Variants in ARHGAP15 observed in about 807,000 individuals in gnomAD.
ARHGAP15 encodes the protein rho GTPase-activating protein 15.
A neutral mutation model predicts 63.7 loss-of-function variants in ARHGAP15; 51 were observed. The ratio of observed to expected loss-of-function variants is 0.80; its 90% confidence interval spans 0.64 to 1.01. The LOEUF is 1.01. Ranked by LOEUF, ARHGAP15 falls within the 50% of genes least tolerant of loss-of-function variation. The probability of loss-of-function intolerance (pLI) is 0.00; values close to 1 mark genes in which losing one functional copy is unlikely to be tolerated. For synonymous variants in ARHGAP15, 191 were observed against 193.8 expected, an observed-to-expected ratio of 0.99 and a Z score of 0.12; for missense variants, 560 against 564.6, an observed-to-expected ratio of 0.99 and a Z score of 0.08.
chr2:143,519,146 C>CAA (rs148946445), intron 9 of ARHGAP15, 120 bp from the exon 10 acceptor site: 11 of 640,702 alleles, frequency 1.7e-5, no homozygotes, highest in African/African-American at 5.7e-5. Context: ...GGAAATAAAG[C>CAA]AAAAAAAAAA....
intron 6 of ARHGAP15, among the ~76,000 whole-genome samples, chr2:143,419,246 C>T (rs1688810594): frequency 6.6e-6 from 1 of 151,968 alleles, no homozygotes; most frequent in Non-Finnish European, 1.5e-5. Context: ...TGTGTTACTT[C>T]AGAGAAAATA....
chr2:143,576,420 A>G (rs1696683612), intron 11 of ARHGAP15, among the ~76,000 whole-genome samples: 1 of 152,110 alleles, frequency 6.6e-6, no homozygotes, highest in African/African-American at 2.4e-5. Context: ...TCCATCCATA[A>G]TGGATCACAT....
chr2:143,247,244 T>G (rs1344621661), intron 5 of ARHGAP15: 1 of 152,368 alleles, frequency 6.6e-6, no homozygotes, highest in East Asian at 1.9e-4. Flanking sequence ...AGGGGAGGGC[T>G]TTAAGTGAAA....
In ARHGAP15 at chr2:143,729,205, AAC is replaced by A. The variant is rs1207773782; in HGVS notation, c.1244+25685_1244+25686del. Among the ~76,000 whole-genome samples, 5 of 152,248 alleles carry A rather than the reference AAC, an allele frequency of 3.3e-5. 1 individual carries two copies. The highest frequency in any genetic ancestry group is 1.3e-4 in the Admixed American group (2 of 15,290). On this transcript the variant is annotated intron_variant, in intron 13 of 13. Transcript: ENST00000295095. Reference sequence around the variant, plus strand: ...CAAGCAAGAACAAAGCAAGAAAGCAAACACAGTTTTAGACCCTACAGCTCAGA... The same window carrying A: ...CAAGCAAGAACAAAGCAAGAAAGCAAACAGTTTTAGACCCTACAGCTCAGA...
At chr2:143,222,956 A>G (rs1443914091) in intron 4 of ARHGAP15, among the ~76,000 whole-genome samples, 1 of 152,016 alleles carries the variant, frequency 6.6e-6, no homozygotes, top group Non-Finnish European at 1.5e-5. Flanking sequence ...AAAAGATAAG[A>G]TAAATACCTG....
chr2:143,529,311 A>G (rs1342609578), intron 10 of ARHGAP15, among the ~76,000 whole-genome samples: 7 of 152,020 alleles, frequency 4.6e-5, no homozygotes, highest in African/African-American at 1.4e-4. Context: ...CTTTCTTACT[A>G]TCTCTTGAAT....
chr2:143,450,566 T>C (rs867638060), intron 8 of ARHGAP15, among the ~76,000 whole-genome samples: 1 of 152,098 alleles, frequency 6.6e-6, no homozygotes, highest in African/African-American at 2.4e-5. Flanking sequence ...TGAATAGTTT[T>C]AATTCTTTAA....
At chr2:143,566,457 A>T (rs547957281) in intron 11 of ARHGAP15, among the ~76,000 whole-genome samples, 1 of 152,118 alleles carries the variant, frequency 6.6e-6, no homozygotes. Context: ...TTCCATTCAC[A>T]TGGAGCCTCC....
At chr2:143,354,037 G>A (rs1283732393) in intron 6 of ARHGAP15, among the ~76,000 whole-genome samples, 1 of 138,672 alleles carries the variant, frequency 7.2e-6, no homozygotes. Flanking sequence ...TGCATTGGTG[G>A]CCTCAGTAAA....
chr2:143,419,203 A>G (rs1376900970), intron 6 of ARHGAP15, among the ~76,000 whole-genome samples: 1 of 152,126 alleles, frequency 6.6e-6, no homozygotes, highest in African/African-American at 2.4e-5. Context: ...CTAAGAAAAA[A>G]GGAGTTTCTT....
intron 11 of ARHGAP15, among the ~76,000 whole-genome samples, chr2:143,614,038 C>T (rs1260758671): frequency 6.6e-6 from 1 of 152,128 alleles, no homozygotes; most frequent in Non-Finnish European, 1.5e-5. Flanking sequence ...TTGTGGCATC[C>T]CAAATGCATC....
intron 6 of ARHGAP15, among the ~76,000 whole-genome samples, chr2:143,376,269 A>T (rs1456618546): frequency 6.6e-6 from 1 of 152,216 alleles, no homozygotes; most frequent in East Asian, 1.9e-4. Flanking sequence ...AAATCAATTA[A>T]CTAAAATTCC....
chr2:143,736,391 T>TGTCA (rs2105496813), intron 13 of ARHGAP15, among the ~76,000 whole-genome samples: 1 of 148,190 alleles, frequency 6.7e-6, no homozygotes, highest in African/African-American at 2.5e-5. Context: ...AGCGAAACTC[T>TGTCA]GTCAAAAAAA....
At chr2:143,189,741 C>T (rs778308037) in intron 2 of ARHGAP15, among the ~76,000 whole-genome samples, 19 of 152,058 alleles carry the variant, frequency 1.2e-4, no homozygotes, top group Non-Finnish European at 2.1e-4. Context: ...GGATTACAGG[C>T]GTGAGCCACC....
intron 6 of ARHGAP15, among the ~76,000 whole-genome samples, chr2:143,411,660 G>C (rs1327533069): frequency 6.6e-6 from 1 of 152,070 alleles, no homozygotes; most frequent in Admixed American, 6.5e-5. Flanking sequence ...AATAAGTATT[G>C]ACATACTACT....
chr2:143,176,297 T>C (rs1439533003), intron 2 of ARHGAP15, among the ~76,000 whole-genome samples: 1 of 152,204 alleles, frequency 6.6e-6, no homozygotes, highest in Non-Finnish European at 1.5e-5. Flanking sequence ...TACTCAGTTT[T>C]AGTTGCAGTT....
chr2:143,330,110 A>AC (rs1684455506), intron 6 of ARHGAP15, among the ~76,000 whole-genome samples: 3 of 86,162 alleles, frequency 3.5e-5, no homozygotes, highest in African/African-American at 8.9e-5. Flanking sequence ...AAAAAAAAAA[A>AC]AAAAAAAAAA....
rs183064186 is a variant in ARHGAP15 at position 143,343,139 on chromosome 2, G to A, written c.475-92462G>A. On this transcript the variant is annotated intron_variant, in intron 6 of 13. Transcript: ENST00000295095. ...TAGTAGGGTAGATTTTTATGATGATGTGATAGCACGAATGATAAACCCCGC... is the reference window on the plus strand; with the variant it reads ...TAGTAGGGTAGATTTTTATGATGATATGATAGCACGAATGATAAACCCCGC... Among the ~76,000 whole-genome samples, 167 of 152,202 alleles carry A rather than the reference G, an allele frequency of 1.1e-3. 1 individual carries two copies. Among genetic ancestry groups the A allele is most frequent in the African/African-American group, 3.9e-3 (164 of 41,562 alleles).
chr2:143,407,792 A>T (rs566573198), intron 6 of ARHGAP15, among the ~76,000 whole-genome samples: 3 of 150,834 alleles, frequency 2.0e-5, no homozygotes, highest in African/African-American at 7.3e-5. Context: ...GTAATACTGA[A>T]TTCTTTTGGG....
Sources: gnomAD v4.1 joint callset for allele counts (sites outside exome capture counted in the v4.1 genomes callset) on GRCh38, gnomAD v4.1.1 for gene constraint, MANE v1.5 for transcripts, NCBI Gene and HGNC (gene_info 2026-07-23, HGNC 2026-07-21) for gene names.